Variants in RHD observed in about 807,000 individuals in gnomAD.
RHD encodes the protein Rh blood group D antigen, also known as blood group Rh(D) polypeptide.
A neutral mutation model predicts 45.5 loss-of-function variants in RHD; 16 were observed. The observed-to-expected ratio is 0.35, with a 90% confidence interval of 0.24 to 0.53. RHD has a LOEUF of 0.53. RHD is among the 20% of genes least tolerant of loss of function. The pLI, the probability that RHD is intolerant of heterozygous loss-of-function variation, is 0.92. For synonymous variants in RHD, 131 were observed against 217.5 expected, an observed-to-expected ratio of 0.60 and a Z score of 3.50; for missense variants, 306 against 532.0, an observed-to-expected ratio of 0.58 and a Z score of 4.18.
chr1:25,309,139 C>T (rs1473477580), intron 7 of RHD, among the ~76,000 whole-genome samples: 2 of 131,844 alleles, frequency 1.5e-5, no homozygotes, highest in East Asian at 2.0e-4. Context: ...ATTCCACAAA[C>T]AATATTTCCC....
intron 7 of RHD, among the ~76,000 whole-genome samples, chr1:25,312,947 A>AAAAAAAAAAAAAAAAAAAAC (rs1644238926): frequency 9.1e-6 from 1 of 110,162 alleles, no homozygotes; most frequent in Admixed American, 9.2e-5. Flanking sequence ...AAAAAAAAAA[A>AAAAAAAAAAAAAAAAAAAAC]AAAAAAAACT....
In RHD at chr1:25,301,044, G is replaced by C. The variant is rs1643349567; in HGVS notation, c.585G>C (p.Thr195=). ...WCLPKPLPEG[T]EDKDQTATIP... ...TGCCAAAGCCTCTACCCGAGGGAAC[G>C]GAGGATAAAGATCAGACAGCAACGA... The change falls in exon 4 of 10, where the codon ACG becomes ACC. Residue 195 remains threonine, a synonymous_variant. Transcript: ENST00000328664. The C allele has an allele frequency of 7.3e-7, 1 of 1,377,266 alleles. No individual in the cohort carries two copies. Among genetic ancestry groups the C allele is most frequent in the African/African-American group, 1.4e-5 (1 of 69,550 alleles). The allele number at this position is 1,377,266 out of a possible 1,614,324, so 85.3% of individuals were successfully genotyped here. A position where few individuals can be genotyped will look rare whatever the true frequency, so the allele number is the denominator to read the frequency against.
At chr1:25,310,467 G>C (rs1373792598) in intron 7 of RHD, among the ~76,000 whole-genome samples, 1 of 132,118 alleles carries the variant, frequency 7.6e-6, no homozygotes, top group Admixed American at 7.4e-5. Flanking sequence ...CTCTAGAACT[G>C]TGAGCTAAAT....
chr1:25,299,508 A>AC lies in RHD; in HGVS notation c.487-1435dup, dbSNP rs1045576956. On this transcript the variant is annotated intron_variant, in intron 3 of 9. Coordinates refer to ENST00000328664, the MANE Select transcript of RHD (RefSeq NM_016124.6). ...GCACCCAGGGTGGACTACTCCCTCCACCCTGCCCTTGTTACACCCTGGCTG... is the reference window on the plus strand; with the variant it reads ...GCACCCAGGGTGGACTACTCCCTCCACCCCTGCCCTTGTTACACCCTGGCTG... Among the ~76,000 whole-genome samples the AC allele has an allele frequency of 1.5e-5, 2 of 131,378 alleles. 1 individual carries two copies. The highest frequency in any genetic ancestry group is 5.2e-5 in the African/African-American group (2 of 38,140). 86.2% of individuals were successfully genotyped at this position (131,378 alleles called of 152,430 possible). A position where few individuals can be genotyped will look rare whatever the true frequency, so the allele number is the denominator to read the frequency against.
intron 9 of RHD, among the ~76,000 whole-genome samples, chr1:25,323,582 C>G (rs1644829205): frequency 8.0e-6 from 1 of 125,110 alleles, no homozygotes; most frequent in Admixed American, 8.0e-5. Context: ...CCCTCAGCCT[C>G]CTGAGTAGCT....
chr1:25,292,232 A>C (rs1642569938), intron 3 of RHD, among the ~76,000 whole-genome samples: 1 of 132,380 alleles, frequency 7.6e-6, no homozygotes, highest in African/African-American at 2.6e-5. Flanking sequence ...TTTGGATTTT[A>C]CTCTGAGAAA....
rs777430257 is a variant in RHD, at chr1:25,291,418, G to C, written c.486+627G>C. ...CGAGAGGTGGAGGTTGCAGTGAACCGAGATCGCGCCATTGCACTGCAGCCT... is the reference window on the plus strand; with the variant it reads ...CGAGAGGTGGAGGTTGCAGTGAACCCAGATCGCGCCATTGCACTGCAGCCT... On this transcript the variant is annotated intron_variant, in intron 3 of 9. Transcript: ENST00000328664. Among the ~76,000 whole-genome samples, 21 of 132,008 alleles carry C rather than the reference G, an allele frequency of 1.6e-4. 4 individuals carry two copies. The highest frequency in any genetic ancestry group is 3.4e-4 in the African/African-American group (13 of 38,712). 86.6% of individuals were successfully genotyped at this position (132,008 alleles called of 152,430 possible). A position where few individuals can be genotyped will look rare whatever the true frequency, so the allele number is the denominator to read the frequency against.
In RHD at chr1:25,296,124, A is replaced by G. The variant is rs1434380751; in HGVS notation, c.487-4822A>G. On this transcript the variant is annotated intron_variant, in intron 3 of 9. Transcript: ENST00000328664. ...GTGATCCACCCGCCTTGGCCTCCCAAAGTGCTGGGATTAGAGGTGTGAGCC... is the reference window on the plus strand; with the variant it reads ...GTGATCCACCCGCCTTGGCCTCCCAGAGTGCTGGGATTAGAGGTGTGAGCC... Among the ~76,000 whole-genome samples, 7 of 116,644 alleles carry G rather than the reference A, an allele frequency of 6.0e-5. 2 individuals are homozygous for G. Among genetic ancestry groups the G allele is most frequent in the African/African-American group, 2.0e-4 (7 of 34,630 alleles). 76.5% of individuals were successfully genotyped at this position (116,644 alleles called of 152,430 possible). A position where few individuals can be genotyped will look rare whatever the true frequency, so the allele number is the denominator to read the frequency against.
chr1:25,302,671 C>A (rs1280054556), intron 5 of RHD, among the ~76,000 whole-genome samples: 1 of 129,270 alleles, frequency 7.7e-6, no homozygotes, highest in Non-Finnish European at 1.8e-5. Context: ...GAAACTGGGC[C>A]CAGTCACACA....
At position 25,295,903 on chromosome 1, in the gene RHD, T is replaced by C. The variant is rs370296617; in HGVS notation, c.487-5043T>C. Among the ~76,000 whole-genome samples the C allele has an allele frequency of 1.2e-3, 120 of 103,166 alleles. 5 individuals carry two copies. The highest frequency in any genetic ancestry group is 3.0e-3 in the East Asian group (12 of 3,996). The allele number at this position is 103,166 out of a possible 152,430, so 67.7% of individuals were successfully genotyped here. A position where few individuals can be genotyped will look rare whatever the true frequency, so the allele number is the denominator to read the frequency against. ...TTGAGATGGAGTTTCGCTGTTGTCATCCAGGCTGGATTGCAATGTTGCAAT... is the reference window on the plus strand; with the variant it reads ...TTGAGATGGAGTTTCGCTGTTGTCACCCAGGCTGGATTGCAATGTTGCAAT... On this transcript the variant is annotated intron_variant, in intron 3 of 9. Coordinates refer to ENST00000328664, the MANE Select transcript of RHD (RefSeq NM_016124.6).
chr1:25,312,286 T>C (rs1345935166), intron 7 of RHD, among the ~76,000 whole-genome samples: 9 of 101,170 alleles, frequency 8.9e-5, no homozygotes, highest in Admixed American at 8.8e-4. Context: ...GTCCTATGCC[T>C]GTTCCACTGT....
rs1287033250 is a variant in RHD, at chr1:25,299,319, T to C, written c.487-1627T>C. 1.5e-5 allele frequency among the ~76,000 whole-genome samples: 2 copies of C among 129,706 alleles called. 1 individual carries two copies. Among genetic ancestry groups the C allele is most frequent in the African/African-American group, 5.3e-5 (2 of 37,692 alleles). The allele number at this position is 129,706 out of a possible 152,430, so 85.1% of individuals were successfully genotyped here. ...ATCGCTTGAACCCAACGGGTGGAGG[T>C]TGCAGTGAGCCAAGATGGCACCAGT... On this transcript the variant is annotated intron_variant, in intron 3 of 9. Coordinates refer to ENST00000328664, the MANE Select transcript of RHD (RefSeq NM_016124.6).
intron 8 of RHD, 56 bp from the exon 9 acceptor site, chr1:25,321,833 G>A: frequency 1.2e-6 from 1 of 855,074 alleles, no homozygotes; most frequent in Non-Finnish European, 1.9e-6. Context: ...GATTAATCTT[G>A]AGATTAAAAA....
In RHD at chr1:25,280,975, C is replaced by T. The variant is rs1571589627; in HGVS notation, c.149-3598C>T. Among the ~76,000 whole-genome samples, 3 of 131,730 alleles carry T rather than the reference C, an allele frequency of 2.3e-5. No homozygotes were observed. The East Asian group carries it at 5.9e-4, about 26-fold the overall frequency. The allele number at this position is 131,730 out of a possible 152,430, so 86.4% of individuals were successfully genotyped here. On this transcript the variant is annotated intron_variant, in intron 1 of 9. Transcript: ENST00000328664. ...CTGCCCTTATCCAGGCAACTCTCCT[C>T]TCCCCATCTTCCACTAACTTCTTTG...
chr1:25,290,842 C>T (rs1399696652), intron 3 of RHD, 51 bp downstream of exon 3: 1 of 1,356,660 alleles, frequency 7.4e-7, no homozygotes. Flanking sequence ...GCCAAAAGCT[C>T]CATTTGGTGG....
intron 9 of RHD, among the ~76,000 whole-genome samples, chr1:25,322,448 C>A (rs867363609): frequency 7.6e-6 from 1 of 132,400 alleles, no homozygotes; most frequent in African/African-American, 2.6e-5. Context: ...TGAGGTGGGG[C>A]GATCACCTGA....
intron 6 of RHD, among the ~76,000 whole-genome samples, chr1:25,306,058 GCTTT>G (rs1643805946): frequency 7.6e-6 from 1 of 131,934 alleles, no homozygotes; most frequent in Non-Finnish European, 1.8e-5. Context: ...GTGGCCTCAT[GCTTT>G]CTTTCTAACC....
At chr1:25,299,489 A>G (rs574901504) in intron 3 of RHD, among the ~76,000 whole-genome samples, 1 of 131,966 alleles carries the variant, frequency 7.6e-6, no homozygotes, top group Admixed American at 7.3e-5. Context: ...GCTTGCACCC[A>G]GGGTGGACTA....
rs190170510 is a variant in RHD at position 25,316,143 on chromosome 1, C to G, written c.1074-857C>G. Among the ~76,000 whole-genome samples the G allele has an allele frequency of 3.6e-3, 467 of 131,108 alleles. 75 individuals carry two copies. The highest frequency in any genetic ancestry group is 0.011 in the African/African-American group (424 of 38,096). 86.0% of individuals were successfully genotyped at this position (131,108 alleles called of 152,430 possible). A position where few individuals can be genotyped will look rare whatever the true frequency, so the allele number is the denominator to read the frequency against. ...CCCTGGGACAATCACATTCAGCATC[C>G]AAGGGCCCCCGTAATAGCTTAATGT... On this transcript the variant is annotated intron_variant, in intron 7 of 9. Transcript: ENST00000328664.
Sources: allele counts gnomAD v4.1 joint callset (sites outside exome capture counted in the v4.1 genomes callset), GRCh38; gene constraint gnomAD v4.1.1; transcripts MANE v1.5; gene names NCBI Gene and HGNC (gene_info 2026-07-23, HGNC 2026-07-21).